The following TXNL4A variants were observed in gnomAD, a reference collection of about 807,000 sequenced individuals.
TXNL4A encodes thioredoxin like 4A.
In TXNL4A, 17 loss-of-function variants were observed where a neutral mutation model predicts 14.6. The ratio of observed to expected loss-of-function variants is 1.16; its 90% CI spans 0.80 to 1.74. The LOEUF (loss-of-function observed/expected upper bound fraction) is 1.74. Ranked by LOEUF, TXNL4A falls within the 40% of genes most tolerant of loss-of-function variation. The probability of loss-of-function intolerance (pLI) is 0.00; values close to 1 mark genes in which losing one functional copy is unlikely to be tolerated. For missense variants in TXNL4A, 74 were observed against 195.2 expected, an observed-to-expected ratio of 0.38 and a Z score of 3.70; for synonymous variants, 83 against 70.6, an observed-to-expected ratio of 1.18 and a Z score of -0.88.
At chr18:79,977,571 T>C in intron 2 of TXNL4A, 27 bp downstream of exon 2, 2 of 1,494,704 alleles carry the variant, frequency 1.3e-6, no homozygotes, top group Non-Finnish European at 1.8e-6. Flanking sequence ...AATATTCAAT[T>C]TCAGTAACAA....
At chr18:79,990,581 C>T (rs2051620583), upstream of TXNL4A, among the ~76,000 whole-genome samples, 4 of 152,338 alleles carry the variant, frequency 2.6e-5, no homozygotes, top group South Asian at 8.3e-4. Flanking sequence ...TTGGTAGTCA[C>T]TCATTTCAGA....
chr18:79,982,891 C>T lies in TXNL4A; in HGVS notation c.154-5190G>A, dbSNP rs1215844654. On this transcript the variant is annotated intron_variant, in intron 1 of 2. Coordinates refer to ENST00000269601, the MANE Select transcript of TXNL4A (RefSeq NM_006701.5). The surrounding 1 kb of genome is among the most constrained non-coding windows in gnomAD (Gnocchi z 4.0). Reference sequence around the variant, plus strand: ...GCAAACATCAGCAAACATCCAGCAGCATCTGCTGGTGGCGACATTTCCACG... The same window carrying T: ...GCAAACATCAGCAAACATCCAGCAGTATCTGCTGGTGGCGACATTTCCACG... 6.6e-6 allele frequency among the ~76,000 whole-genome samples: 1 copy of T among 152,200 alleles called. No homozygotes were observed. The highest frequency in any genetic ancestry group is 1.5e-5 in the Non-Finnish European group (1 of 68,044).
rs1156569746 is a variant in TXNL4A, at chr18:80,011,116, G to A, written c.-61+22735C>T. On this transcript the variant is annotated intron_variant, in intron 1 of 2. Transcript: ENST00000585474. This position sits in a 1 kb window ranked among gnomAD's most constrained non-coding sequence, Gnocchi z 4.1. ...ACCATTTGGTGCTTGTTAGCCCCTC[G>A]GGAAAGGAAACAATTTGGGTTATAT... is the stretch of plus-strand genomic sequence containing the variant. Among the ~76,000 whole-genome samples, 2 of 152,080 alleles carry A rather than the reference G, an allele frequency of 1.3e-5. No individual in the cohort carries two copies. The highest frequency in any genetic ancestry group is 2.4e-5 in the African/African-American group (1 of 41,390).
At chr18:79,991,123 A>C (rs2051625987), upstream of TXNL4A, among the ~76,000 whole-genome samples, 1 of 151,954 alleles carries the variant, frequency 6.6e-6, no homozygotes, top group Non-Finnish European at 1.5e-5. Flanking sequence ...AAAAAAAAAA[A>C]AAAAACTTTT....
At chr18:79,975,118 T>C (rs2051359574) in intron 2 of TXNL4A, among the ~76,000 whole-genome samples, 1 of 152,172 alleles carries the variant, frequency 6.6e-6, no homozygotes, top group African/African-American at 2.4e-5. Context: ...GCACCCTCCC[T>C]GCAGCCCTAT....
At chr18:79,998,155 G>C (rs1366964564) in intron 1 of TXNL4A, among the ~76,000 whole-genome samples, 2 of 152,100 alleles carry the variant, frequency 1.3e-5, no homozygotes, top group Admixed American at 6.5e-5. Flanking sequence ...TTAGCTGGGC[G>C]TGGTGGCAGC....
At chr18:80,019,445 G>T (rs2051834387) in intron 1 of TXNL4A, among the ~76,000 whole-genome samples, 1 of 152,144 alleles carries the variant, frequency 6.6e-6, no homozygotes, top group Non-Finnish European at 1.5e-5. Context: ...CTCCCCCTGG[G>T]TCCCTCCCAC....
intron 1 of TXNL4A, among the ~76,000 whole-genome samples, chr18:79,983,437 C>G (rs1599723870): frequency 6.6e-6 from 1 of 152,214 alleles, no homozygotes; most frequent in African/African-American, 2.4e-5. Context: ...CCGCATGCCT[C>G]TAAGTCCACC....
intron 1 of TXNL4A, among the ~76,000 whole-genome samples, chr18:80,018,314 T>C (rs1157672056): frequency 6.6e-6 from 1 of 152,024 alleles, no homozygotes; most frequent in Non-Finnish European, 1.5e-5. Flanking sequence ...CATACCAGAA[T>C]CTCTGGGACA....
chr18:80,011,790 CTA>C lies in TXNL4A; in HGVS notation c.-61+22059_-61+22060del, dbSNP rs540028058. On this transcript the variant is annotated intron_variant, in intron 1 of 2. Coordinates refer to the TXNL4A transcript ENST00000585474. The surrounding 1 kb of genome is among the most constrained non-coding windows in gnomAD (Gnocchi z 4.1). ...GTTAAAGATCTTTTTTTTTTAAGAA[CTA>C]TATATATATATTTTATGTGAAGTTT... 2.0e-5 allele frequency among the ~76,000 whole-genome samples: 3 copies of C among 151,342 alleles called. No homozygotes were observed. Among genetic ancestry groups the C allele is most frequent in the Admixed American group, 6.6e-5 (1 of 15,178 alleles).
chr18:80,026,214 C>T (rs1179876168), intron 1 of TXNL4A, among the ~76,000 whole-genome samples: 2 of 152,102 alleles, frequency 1.3e-5, no homozygotes, highest in African/African-American at 2.4e-5. Flanking sequence ...TCCCACGCTA[C>T]GATAAAAAAG....
chr18:80,004,722 A>T (rs2051718669), intron 1 of TXNL4A, among the ~76,000 whole-genome samples: 1 of 152,230 alleles, frequency 6.6e-6, no homozygotes, highest in African/African-American at 2.4e-5. Flanking sequence ...CTGAGAACTC[A>T]TGAGAAAATC....
intron 1 of TXNL4A, among the ~76,000 whole-genome samples, chr18:79,979,949 T>G (rs1429207487): frequency 6.6e-6 from 1 of 152,196 alleles, no homozygotes. Flanking sequence ...CCCAAAACAG[T>G]TGAAGTCCTA....
upstream of TXNL4A, among the ~76,000 whole-genome samples, chr18:79,993,135 A>G (rs1315920715): frequency 6.6e-6 from 1 of 152,064 alleles, no homozygotes; most frequent in East Asian, 1.9e-4. The surrounding 1 kb of genome is among the most constrained non-coding windows in gnomAD (Gnocchi z 4.4). Flanking sequence ...TGTGGTAACC[A>G]CTAAGGGAAC....
At chr18:80,024,531 C>T (rs1376140428) in intron 1 of TXNL4A, among the ~76,000 whole-genome samples, 1 of 152,132 alleles carries the variant, frequency 6.6e-6, no homozygotes, top group African/African-American at 2.4e-5. Context: ...ATGTGACCAA[C>T]TCTGAACCCT....
At chr18:79,998,075 C>T (rs999209869) in intron 1 of TXNL4A, among the ~76,000 whole-genome samples, 30 of 152,128 alleles carry the variant, frequency 2.0e-4, no homozygotes, top group African/African-American at 6.7e-4. Flanking sequence ...GGGTGGATCA[C>T]GAGGTCAGGA....
At chr18:80,014,771 AC>A (rs2051795669) in intron 1 of TXNL4A, among the ~76,000 whole-genome samples, 1 of 152,104 alleles carries the variant, frequency 6.6e-6, no homozygotes, top group African/African-American at 2.4e-5. Flanking sequence ...GGGGGCTCCA[AC>A]CCCAAATTTC....
intron 1 of TXNL4A, 82 bp downstream of exon 1, chr18:79,988,158 C>T (rs1360532562): frequency 8.3e-6 from 11 of 1,324,472 alleles, no homozygotes; most frequent in Non-Finnish European, 1.1e-5. Context: ...ACAGCTCGCG[C>T]CCCCAGGCGA....
upstream of TXNL4A, among the ~76,000 whole-genome samples, chr18:79,989,494 C>T (rs1437704075): frequency 2.0e-5 from 3 of 152,184 alleles, no homozygotes; most frequent in African/African-American, 7.2e-5. Flanking sequence ...CCAGTCAGAG[C>T]TCCCCAAACC....
Sources: gnomAD v4.1 joint callset for allele counts (sites outside exome capture counted in the v4.1 genomes callset) on GRCh38, gnomAD v4.1.1 for gene constraint, Gnocchi (gnomAD v3.1) non-coding constraint, MANE v1.5 for transcripts, NCBI Gene and HGNC (gene_info 2026-07-23, HGNC 2026-07-21) for gene names.